Variants in TMEM132B observed in about 807,000 individuals in gnomAD.
TMEM132B encodes the protein transmembrane protein 132B.
A neutral mutation model predicts 90.8 loss-of-function variants in TMEM132B; 18 were observed. The observed-to-expected ratio is 0.20, with a 90% confidence interval of 0.14 to 0.29. The LOEUF is 0.29. Ranked by LOEUF, TMEM132B falls within the 10% of genes least tolerant of loss-of-function variation. The pLI is 1.00. For missense variants in TMEM132B, 1,096 were observed against 1,326.8 expected, an observed-to-expected ratio of 0.83 and a Z score of 2.70; for synonymous variants, 504 against 523.3, an observed-to-expected ratio of 0.96 and a Z score of 0.50.
chr12:125,378,961 C>T (rs994614743), intron 2 of TMEM132B, among the ~76,000 whole-genome samples: 4 of 152,096 alleles, frequency 2.6e-5, no homozygotes, highest in African/African-American at 9.7e-5. Flanking sequence ...ATAGCCCCCA[C>T]CCCCCTCAGT....
At chr12:125,538,772 T>C (rs146377269) in intron 4 of TMEM132B, among the ~76,000 whole-genome samples, 1,850 of 152,330 alleles carry the variant, frequency 0.012, 24 homozygotes, top group Middle Eastern at 0.024. Flanking sequence ...GTCCCATTCT[T>C]TGTGTTGACA....
intron 4 of TMEM132B, among the ~76,000 whole-genome samples, chr12:125,562,317 C>T (rs1884553659): frequency 6.6e-6 from 1 of 152,158 alleles, no homozygotes. Flanking sequence ...CTATCCAGAC[C>T]ACTGACATTT....
At chr12:125,340,471 G>A (rs1428306581) in intron 1 of TMEM132B, among the ~76,000 whole-genome samples, 3 of 152,092 alleles carry the variant, frequency 2.0e-5, no homozygotes, top group Non-Finnish European at 2.9e-5. Flanking sequence ...GCAAGCAGAA[G>A]TGTAGGTAGT....
intron 3 of TMEM132B, among the ~76,000 whole-genome samples, chr12:125,482,986 A>G (rs556943997): frequency 2.6e-5 from 4 of 151,982 alleles, no homozygotes; most frequent in Non-Finnish European, 5.9e-5. Context: ...TGAGCAAACT[A>G]TCGCAAGGAC....
intron 2 of TMEM132B, among the ~76,000 whole-genome samples, chr12:125,401,405 G>A (rs1182307759): frequency 6.6e-6 from 1 of 152,146 alleles, no homozygotes; most frequent in Non-Finnish European, 1.5e-5. Flanking sequence ...GAAAAATAAA[G>A]CAGGAGACCA....
intron 1 of TMEM132B, among the ~76,000 whole-genome samples, chr12:125,267,281 G>A (rs144218026): frequency 1.2e-4 from 19 of 152,222 alleles, no homozygotes; most frequent in African/African-American, 4.6e-4. Context: ...ATCTCTATAG[G>A]TGTATTCCAG....
At chr12:125,619,680 A>C (rs1407186715) in intron 5 of TMEM132B, among the ~76,000 whole-genome samples, 1 of 152,084 alleles carries the variant, frequency 6.6e-6, no homozygotes, top group Non-Finnish European at 1.5e-5. Context: ...GTGGCATTTA[A>C]CTGGGCATGT....
At position 125,626,661 on chromosome 12, in the gene TMEM132B, C is replaced by T. The variant is rs910970850; in HGVS notation, c.1438-17415C>T. Among the ~76,000 whole-genome samples, 6 of 152,122 alleles carry T rather than the reference C, an allele frequency of 3.9e-5. No individual in the cohort carries two copies. The East Asian group carries it at 5.8e-4, about 15-fold the overall frequency. On this transcript the variant is annotated intron_variant, in intron 5 of 8. Coordinates refer to ENST00000682704, the MANE Select transcript of TMEM132B (RefSeq NM_001366854.1). ...GCCTGATTTCCAACAAGAAGTCTGC[C>T]GTAATTGTTATCCATCTTCTTCTGT...
At chr12:125,317,455 G>C (rs1876312299) in intron 1 of TMEM132B, among the ~76,000 whole-genome samples, 1 of 152,196 alleles carries the variant, frequency 6.6e-6, no homozygotes, top group Non-Finnish European at 1.5e-5. Flanking sequence ...GAACTGGGAA[G>C]TGGGGGTGCT....
chr12:125,601,827 A>G (rs1256686190), intron 5 of TMEM132B, among the ~76,000 whole-genome samples: 5 of 152,248 alleles, frequency 3.3e-5, no homozygotes, highest in African/African-American at 1.2e-4. Flanking sequence ...AGAGAATACT[A>G]TAAACACTTC....
At chr12:125,503,689 A>G (rs1176763930) in intron 3 of TMEM132B, among the ~76,000 whole-genome samples, 1 of 152,158 alleles carries the variant, frequency 6.6e-6, no homozygotes, top group Non-Finnish European at 1.5e-5. Flanking sequence ...ATCTTATTAT[A>G]TTTTTGCATC....
Position 125,492,685 on chromosome 12 carries a change from T to C in TMEM132B, c.1107-26754T>C, listed in dbSNP as rs980515860. On this transcript the variant is annotated intron_variant, in intron 3 of 8. Coordinates refer to ENST00000682704, the MANE Select transcript of TMEM132B (RefSeq NM_001366854.1). The surrounding 1 kb of genome is among the most constrained non-coding windows in gnomAD (Gnocchi z 5.8). ...AAGGCAGTGGTGGCCCGGCCTGTGC[T>C]CTGTCCCTGGGCTCAGGAGGGCGCA... Among the ~76,000 whole-genome samples the C allele has an allele frequency of 1.3e-5, 2 of 152,084 alleles. No homozygotes were observed. The highest frequency in any genetic ancestry group is 4.8e-5 in the African/African-American group (2 of 41,406).
At chr12:125,187,722 G>T (rs1232854202) in intron 1 of TMEM132B, among the ~76,000 whole-genome samples, 3 of 152,128 alleles carry the variant, frequency 2.0e-5, no homozygotes, top group Non-Finnish European at 4.4e-5. Flanking sequence ...CCTTGGTGTG[G>T]CTACATGTTG....
intron 2 of TMEM132B, among the ~76,000 whole-genome samples, chr12:125,391,121 A>G (rs1338753674): frequency 6.6e-6 from 1 of 151,528 alleles, no homozygotes; most frequent in African/African-American, 2.4e-5. Context: ...TGGTGTTAGG[A>G]GATTGTGTTC....
At position 125,658,281 on chromosome 12, in the gene TMEM132B, A is replaced by T. The variant is rs1006536098; in HGVS notation, c.*3571A>T. The T allele has an allele frequency of 6.6e-6, 1 of 152,250 alleles. No homozygotes were observed. The highest frequency in any genetic ancestry group is 2.4e-5 in the African/African-American group (1 of 41,454). 9.4% of individuals were successfully genotyped at this position (152,250 alleles called of 1,614,324 possible). A position where few individuals can be genotyped will look rare whatever the true frequency, so the allele number is the denominator to read the frequency against. ...TAACTTGCTAACTTTTAGAATGTCC[A>T]CCTTTGTGCATTTTGGTAGCATTCT... On this transcript the variant is annotated 3_prime_UTR_variant, in exon 9 of 9. Transcript: ENST00000682704.
chr12:125,429,079 C>A (rs1030340660), intron 3 of TMEM132B, among the ~76,000 whole-genome samples: 22 of 152,158 alleles, frequency 1.4e-4, no homozygotes, highest in Non-Finnish European at 2.9e-4. Flanking sequence ...TCACTCTATA[C>A]CCAGTTTTCC....
intron 2 of TMEM132B, among the ~76,000 whole-genome samples, chr12:125,391,040 AGTGTGTGTGTGT>A (rs57083034): frequency 1.1e-4 from 9 of 84,970 alleles, no homozygotes; most frequent in African/African-American, 1.5e-4. Flanking sequence ...ACTAAAGAAT[AGTGTGTGTGTGT>A]GTGTGTGTGT....
intron 1 of TMEM132B, among the ~76,000 whole-genome samples, chr12:125,316,696 G>A (rs1456362361): frequency 6.7e-6 from 1 of 149,830 alleles, no homozygotes. Context: ...GGGGCAGGAA[G>A]TGCAAATGTC....
chr12:125,473,183 G>A (rs1318701984), intron 3 of TMEM132B, among the ~76,000 whole-genome samples: 1 of 151,986 alleles, frequency 6.6e-6, no homozygotes, highest in African/African-American at 2.4e-5. Flanking sequence ...CCCACCTCAG[G>A]GCCTTTGCAC....
Sources: allele counts gnomAD v4.1 joint callset (sites outside exome capture counted in the v4.1 genomes callset), GRCh38; gene constraint gnomAD v4.1.1; non-coding constraint Gnocchi (gnomAD v3.1); transcripts MANE v1.5; gene names NCBI Gene and HGNC (gene_info 2026-07-23, HGNC 2026-07-21).